Variants in CSMD1 observed in about 807,000 individuals in gnomAD.
The protein encoded by CSMD1 is CUB and Sushi multiple domains 1, also known as CUB and sushi domain-containing protein 1.
A neutral mutation model predicts 417.5 loss-of-function variants in CSMD1; 213 were observed. The observed-to-expected ratio is 0.51, with a 90% CI of 0.46 to 0.57. The LOEUF (loss-of-function observed/expected upper bound fraction) is 0.57, where lower values mean the gene tolerates loss of function less well. Among genes scored for constraint, CSMD1 ranks in the 20% least tolerant of loss-of-function variants. The probability of loss-of-function intolerance (pLI) is 0.00; values close to 1 mark genes in which losing one functional copy is unlikely to be tolerated. For synonymous variants in CSMD1, 2,862 were observed against 1,736.8 expected, an observed-to-expected ratio of 1.65 and a Z score of -16.11; for missense variants, 6,923 against 4,529.7, an observed-to-expected ratio of 1.53 and a Z score of -15.17.
chr8:3,245,678 T>C (rs1415325746), intron 26 of CSMD1, among the ~76,000 whole-genome samples: 1 of 152,140 alleles, frequency 6.6e-6, no homozygotes, highest in Non-Finnish European at 1.5e-5. Context: ...TTCATAAGGA[T>C]GTACAAAGTT....
At chr8:3,564,132 T>C (rs1453189939) in intron 10 of CSMD1, among the ~76,000 whole-genome samples, 1 of 152,232 alleles carries the variant, frequency 6.6e-6, no homozygotes, top group Non-Finnish European at 1.5e-5. Flanking sequence ...AACATGTATC[T>C]TTCCTTGTGT....
chr8:4,405,704 T>C (rs1804970206), intron 3 of CSMD1, among the ~76,000 whole-genome samples: 1 of 152,242 alleles, frequency 6.6e-6, no homozygotes, highest in African/African-American at 2.4e-5. Flanking sequence ...AGGATGTGTC[T>C]ATTGCTTCTT....
rs528394726 is a variant in CSMD1 at position 4,961,167 on chromosome 8, G to A, written c.85+33165C>T. Among the ~76,000 whole-genome samples, 18 of 152,172 alleles carry A rather than the reference G, an allele frequency of 1.2e-4. No individual in the cohort carries two copies. In the South Asian group the frequency reaches 1.9e-3, roughly 16 times the overall value. ...ACCTTGAACAACTTTTTGTTTTCCT[G>A]TAATTGATACATCTTACTTTTAGAA... On this transcript the variant is annotated intron_variant, in intron 1 of 69. Coordinates refer to ENST00000635120, the MANE Select transcript of CSMD1 (RefSeq NM_033225.6).
At chr8:3,945,821 G>A (rs1235160460) in intron 5 of CSMD1, among the ~76,000 whole-genome samples, 6 of 152,048 alleles carry the variant, frequency 3.9e-5, no homozygotes, top group Non-Finnish European at 7.4e-5. Context: ...ACACACACAT[G>A]AGGTAGTATA....
At chr8:3,824,731 G>T (rs989407942) in intron 5 of CSMD1, among the ~76,000 whole-genome samples, 2 of 152,174 alleles carry the variant, frequency 1.3e-5, no homozygotes, top group South Asian at 4.1e-4. Context: ...TTGGCTACTA[G>T]AGAATTAAAA....
intron 1 of CSMD1, among the ~76,000 whole-genome samples, chr8:4,727,298 A>G (rs1259624055): frequency 1.3e-5 from 2 of 152,206 alleles, no homozygotes; most frequent in African/African-American, 2.4e-5. Flanking sequence ...AACAATAATT[A>G]AGTAATTTAA....
At chr8:4,195,155 T>C (rs1281279037) in intron 3 of CSMD1, among the ~76,000 whole-genome samples, 1 of 152,206 alleles carries the variant, frequency 6.6e-6, no homozygotes, top group Non-Finnish European at 1.5e-5. Context: ...GACAGTTCTA[T>C]CCAGAACATG....
intron 7 of CSMD1, among the ~76,000 whole-genome samples, chr8:3,693,911 G>C (rs990529318): frequency 2.6e-5 from 4 of 151,300 alleles, no homozygotes; most frequent in Admixed American, 2.0e-4. Flanking sequence ...GGCGTCTTGT[G>C]TGTGTGTGTG....
chr8:3,875,268 T>C (rs1805740467), intron 5 of CSMD1, among the ~76,000 whole-genome samples: 1 of 152,096 alleles, frequency 6.6e-6, no homozygotes, highest in Non-Finnish European at 1.5e-5. Flanking sequence ...AGAAGAAGGA[T>C]AAAAGGCAAT....
chr8:3,230,118 G>A lies in CSMD1; in HGVS notation c.4267C>T (p.Leu1423Phe). 1 of 1,613,784 alleles carries A rather than the reference G, an allele frequency of 6.2e-7. No individual in the cohort carries two copies. Residue 1423 changes from leucine (L) to phenylalanine (F), a missense_variant, in exon 27 of 70, where the codon CTC becomes TTC. Coordinates refer to ENST00000635120, the MANE Select transcript of CSMD1 (RefSeq NM_033225.6). ...CAGGTGATTTTGGCTTGTCCTTGGA[G>A]CTGATAGCCAGGGTCACACTGGAAT... is the stretch of plus-strand genomic sequence containing the variant. ...VTFQCDPGYQ[L>F]QGQAKITCVQ...
At position 3,209,271 on chromosome 8, in the gene CSMD1, TTTTA is replaced by T. The variant is rs1442472136; in HGVS notation, c.4868-3655_4868-3652del. ...TGTGTTAGAAAAATATGGATAGAAT[TTTTA>T]TTTATTTGTTTGTTTGTTTATTTAT... On this transcript the variant is annotated intron_variant, in intron 30 of 69. Coordinates refer to ENST00000635120, the MANE Select transcript of CSMD1 (RefSeq NM_033225.6). 4.3e-3 allele frequency among the ~76,000 whole-genome samples: 616 copies of T among 144,036 alleles called. 5 individuals carry two copies. Among genetic ancestry groups the T allele is most frequent in the African/African-American group, 0.013 (512 of 38,746 alleles). 94.5% of individuals were successfully genotyped at this position (144,036 alleles called of 152,430 possible).
At chr8:4,113,007 A>T (rs1262973233) in intron 3 of CSMD1, among the ~76,000 whole-genome samples, 2 of 152,148 alleles carry the variant, frequency 1.3e-5, no homozygotes, top group African/African-American at 4.8e-5. Flanking sequence ...CTGTTATGGT[A>T]ATCAGTGGTC....
intron 61 of CSMD1, among the ~76,000 whole-genome samples, chr8:2,962,078 G>A (rs10103156): frequency 0.037 from 5,576 of 152,106 alleles, 319 homozygotes; most frequent in African/African-American, 0.13. Flanking sequence ...TTAACCCAGC[G>A]ATAAAACTTG....
intron 1 of CSMD1, among the ~76,000 whole-genome samples, chr8:4,980,705 C>A (rs1334877223): frequency 6.6e-6 from 1 of 152,056 alleles, no homozygotes; most frequent in East Asian, 1.9e-4. Context: ...GAGTCCAAGA[C>A]CAGCGTGGAC....
At chr8:4,177,951 C>T (rs1584964931) in intron 3 of CSMD1, among the ~76,000 whole-genome samples, 1 of 152,024 alleles carries the variant, frequency 6.6e-6, no homozygotes, top group Non-Finnish European at 1.5e-5. Flanking sequence ...GCTTATCAAC[C>T]AAAAAGAGTC....
chr8:4,920,278 T>C (rs1806348041), intron 1 of CSMD1, among the ~76,000 whole-genome samples: 1 of 152,158 alleles, frequency 6.6e-6, no homozygotes. Flanking sequence ...CTGGCTGAAA[T>C]GAGCGATCCA....
chr8:4,210,794 T>G (rs985858011), intron 3 of CSMD1, among the ~76,000 whole-genome samples: 1 of 152,148 alleles, frequency 6.6e-6, no homozygotes, highest in African/African-American at 2.4e-5. Context: ...TACGAGCATA[T>G]CTACAAGGTC....
intron 41 of CSMD1, among the ~76,000 whole-genome samples, chr8:3,125,023 G>A (rs1048907573): frequency 3.3e-5 from 5 of 152,092 alleles, no homozygotes; most frequent in African/African-American, 1.2e-4. Context: ...TATTAATACC[G>A]ATATTCCCTC....
intron 1 of CSMD1, among the ~76,000 whole-genome samples, chr8:4,759,259 C>A (rs1811868715): frequency 2.0e-5 from 3 of 152,102 alleles, no homozygotes; most frequent in Non-Finnish European, 4.4e-5. Flanking sequence ...GATGACTGCC[C>A]TCAGGAAGGA....
Sources: allele counts gnomAD v4.1 joint callset (sites outside exome capture counted in the v4.1 genomes callset), GRCh38; gene constraint gnomAD v4.1.1; transcripts MANE v1.5; gene names NCBI Gene and HGNC (gene_info 2026-07-23, HGNC 2026-07-21).